TRPM3: variants seen among roughly 807,000 people sequenced by gnomAD.
The protein encoded by TRPM3 is long transient receptor potential channel 3.
In TRPM3, 77 loss-of-function variants were observed where a neutral mutation model predicts 181.2. That is an observed-to-expected ratio of 0.42 (90% CI 0.35 to 0.51). The LOEUF is 0.51. Ranked by LOEUF, TRPM3 falls within the 20% of genes least tolerant of loss-of-function variation. The pLI, the probability that TRPM3 is intolerant of heterozygous loss-of-function variation, is 0.01. For synonymous variants in TRPM3, 745 were observed against 796.4 expected (o/e 0.94, Z 1.09); for missense variants, 1,759 against 2,196.7 (o/e 0.80, Z 3.98).
intron 1 of TRPM3, among the ~76,000 whole-genome samples, chr9:71,231,698 A>C (rs2081063374): frequency 6.6e-6 from 1 of 152,208 alleles, no homozygotes; most frequent in Admixed American, 6.5e-5. Context: ...TAAATACTGC[A>C]TGTTCTCACT....
chr9:70,888,126 C>T (rs772352578), intron 1 of TRPM3, among the ~76,000 whole-genome samples: 3 of 152,124 alleles, frequency 2.0e-5, no homozygotes, highest in Non-Finnish European at 4.4e-5. Context: ...TAGCATGCTC[C>T]ATAGAACCAA....
At chr9:70,850,273 T>A (rs1333328900) in intron 3 of TRPM3, among the ~76,000 whole-genome samples, 1 of 152,172 alleles carries the variant, frequency 6.6e-6, no homozygotes, top group African/African-American at 2.4e-5. Context: ...CAATGTGTAC[T>A]TTTGTGCCAC....
intron 1 of TRPM3, among the ~76,000 whole-genome samples, chr9:71,418,052 T>TA (rs397736610): frequency 6.6e-6 from 1 of 151,658 alleles, no homozygotes; most frequent in Non-Finnish European, 1.5e-5. Context: ...ATCATTTTTT[T>TA]AAAGGATGAG....
chr9:71,416,225 G>A (rs1470816316), intron 1 of TRPM3, among the ~76,000 whole-genome samples: 1 of 151,680 alleles, frequency 6.6e-6, no homozygotes, highest in Non-Finnish European at 1.5e-5. Flanking sequence ...GTACTTAAGA[G>A]AACAGAGAAA....
chr9:71,099,798 AAGG>A (rs765464443), intron 1 of TRPM3, among the ~76,000 whole-genome samples: 3 of 152,194 alleles, frequency 2.0e-5, no homozygotes, highest in Non-Finnish European at 4.4e-5. Flanking sequence ...CAACCCTAGA[AAGG>A]AGGTGTCATT....
chr9:71,224,263 G>T (rs2080437719), intron 1 of TRPM3, among the ~76,000 whole-genome samples: 1 of 152,220 alleles, frequency 6.6e-6, no homozygotes, highest in Non-Finnish European at 1.5e-5. Flanking sequence ...GTAATCCAGA[G>T]AATTCTTCCA....
intron 1 of TRPM3, among the ~76,000 whole-genome samples, chr9:70,906,756 A>T (rs2096470430): frequency 6.6e-6 from 1 of 152,180 alleles, no homozygotes; most frequent in South Asian, 2.1e-4. Context: ...TACAAAAAAT[A>T]GCTGGGCGCG....
intron 1 of TRPM3, among the ~76,000 whole-genome samples, chr9:71,377,306 G>A (rs2092690124): frequency 6.6e-6 from 1 of 152,010 alleles, no homozygotes; most frequent in Non-Finnish European, 1.5e-5. Flanking sequence ...TTTAATCTCG[G>A]AGATGGAATA....
intron 1 of TRPM3, among the ~76,000 whole-genome samples, chr9:71,065,274 TAA>T (rs1044035219): frequency 1.3e-5 from 2 of 152,174 alleles, no homozygotes; most frequent in African/African-American, 2.4e-5. Flanking sequence ...ATTTTCACGC[TAA>T]GTTATTAAAA....
chr9:71,252,488 A>T (rs2082404785), intron 1 of TRPM3, among the ~76,000 whole-genome samples: 1 of 152,190 alleles, frequency 6.6e-6, no homozygotes, highest in African/African-American at 2.4e-5. Context: ...TCAACACAGA[A>T]TTCTGCTGTG....
intron 8 of TRPM3, among the ~76,000 whole-genome samples, chr9:70,701,018 A>G (rs1004613131): frequency 6.6e-6 from 1 of 152,138 alleles, no homozygotes; most frequent in Non-Finnish European, 1.5e-5. Flanking sequence ...ATTTTTTTTC[A>G]CATCTCCCCA....
intron 1 of TRPM3, among the ~76,000 whole-genome samples, chr9:71,205,786 C>G (rs2079087207): frequency 6.6e-6 from 1 of 152,128 alleles, no homozygotes; most frequent in African/African-American, 2.4e-5. Context: ...ATAAATGTTT[C>G]TGGCCTGAGA....
chr9:70,542,705 A>C (rs1026875418), intron 25 of TRPM3, among the ~76,000 whole-genome samples: 4 of 152,348 alleles, frequency 2.6e-5, no homozygotes, highest in East Asian at 3.9e-4. Context: ...GTGGTAAAAT[A>C]ACAGAGTATT....
At chr9:71,267,466 G>A (rs1341376843) in intron 1 of TRPM3, among the ~76,000 whole-genome samples, 1 of 152,130 alleles carries the variant, frequency 6.6e-6, no homozygotes, top group African/African-American at 2.4e-5. Flanking sequence ...TGACTACATG[G>A]CTAAATAAAT....
chr9:71,176,123 A>G (rs770673621), intron 1 of TRPM3, among the ~76,000 whole-genome samples: 4 of 152,170 alleles, frequency 2.6e-5, no homozygotes, highest in Non-Finnish European at 5.9e-5. Context: ...TGTACTTTTA[A>G]TCGTTATTTT....
chr9:70,793,461 A>C, intron 6 of TRPM3: 1 of 108,400 alleles, frequency 9.2e-6, no homozygotes, highest in Non-Finnish European at 2.0e-5. Flanking sequence ...GTCTCAAAAA[A>C]AAAAAAAAAT....
At chr9:71,245,443 C>CA (rs61043388) in intron 1 of TRPM3, among the ~76,000 whole-genome samples, 80,044 of 133,508 alleles carry the variant, frequency 0.6, 23,500 homozygotes, top group Non-Finnish European at 0.64. Flanking sequence ...GACTCCATTT[C>CA]AAAAAAAAAA....
chr9:70,609,086 A>G (rs1287785695), intron 19 of TRPM3, among the ~76,000 whole-genome samples: 1 of 152,360 alleles, frequency 6.6e-6, no homozygotes, highest in East Asian at 1.9e-4. Context: ...AGTGCTTTAC[A>G]TGTTTTAACA....
chr9:70,587,559 G>C (rs1251164460), intron 22 of TRPM3, among the ~76,000 whole-genome samples: 2 of 152,162 alleles, frequency 1.3e-5, no homozygotes, highest in Admixed American at 1.3e-4. Flanking sequence ...CTTTGCTCCG[G>C]CCTTGGCATG....
Sources: allele counts gnomAD v4.1 joint callset (sites outside exome capture counted in the v4.1 genomes callset), GRCh38; gene constraint gnomAD v4.1.1; transcripts MANE v1.5; gene names NCBI Gene and HGNC (gene_info 2026-07-23, HGNC 2026-07-21).